Variants in SP3 observed in about 807,000 individuals in gnomAD.
SP3 encodes the protein transcription factor Sp3.
Under a neutral mutation model 70.3 loss-of-function variants are expected in SP3, and 10 were observed. The observed-to-expected ratio is 0.14, with a 90% confidence interval of 0.09 to 0.24. SP3 has a LOEUF of 0.24. SP3 is among the 10% of genes least tolerant of loss of function. The probability of loss-of-function intolerance (pLI) is 1.00; values close to 1 mark genes in which losing one functional copy is unlikely to be tolerated. For missense variants in SP3, 825 were observed against 914.6 expected (o/e 0.90, Z 1.26); for synonymous variants, 402 against 333.5 (o/e 1.21, Z -2.24).
chr2:173,937,179 C>G (rs1220422414), intron 4 of SP3, among the ~76,000 whole-genome samples: 1 of 152,192 alleles, frequency 6.6e-6, no homozygotes, highest in Non-Finnish European at 1.5e-5. Flanking sequence ...CTCTCAAGTT[C>G]TTGAGCCTTT....
Position 173,939,798 on chromosome 2 carries a change from G to T in SP3, c.1639+15075C>A, listed in dbSNP as rs1436285346. The stretch of plus-strand genomic sequence containing the variant: ...AAAAAAAAAAGTTACACTGATTTTG[G>T]GGGAGGAATTAAAAAGATTAAAAAT... On this transcript the variant is annotated intron_variant, in intron 4 of 6. Coordinates refer to ENST00000310015, the MANE Select transcript of SP3 (RefSeq NM_003111.5). Among the ~76,000 whole-genome samples, 7 of 137,840 alleles carry T rather than the reference G, an allele frequency of 5.1e-5. No homozygotes were observed. In the South Asian group the frequency reaches 1.7e-3, roughly 33 times the overall value. The allele number at this position is 137,840 out of a possible 152,430, so 90.4% of individuals were successfully genotyped here.
intron 3 of SP3, among the ~76,000 whole-genome samples, chr2:173,957,402 A>G (rs1690930763): frequency 6.6e-6 from 1 of 152,190 alleles, no homozygotes; most frequent in South Asian, 2.1e-4. Context: ...GATTGAAAAA[A>G]AAGATTTCAT....
chr2:173,905,255 A>T lies in SP3; in HGVS notation c.*4686T>A, dbSNP rs1269316477. Among the ~76,000 whole-genome samples, 1 of 152,204 alleles carries T rather than the reference A, an allele frequency of 6.6e-6. No individual in the cohort carries two copies. Among genetic ancestry groups the T allele is most frequent in the African/African-American group, 2.4e-5 (1 of 41,448 alleles). ...CACTACAGAAAAATGGAATCTCCAG[A>T]GTTAAGGGGGGAGGAAGGCATTGGA... On this transcript the variant is annotated 3_prime_UTR_variant, in exon 7 of 7. Transcript: ENST00000310015.
At chr2:173,921,908 TTC>T (rs775045317) in intron 4 of SP3, among the ~76,000 whole-genome samples, 2 of 152,158 alleles carry the variant, frequency 1.3e-5, no homozygotes, top group East Asian at 3.8e-4. Context: ...CTCCTACTCT[TTC>T]TCTGTCTCTC....
intron 4 of SP3, among the ~76,000 whole-genome samples, chr2:173,946,179 G>GTA (rs1200813129): frequency 6.6e-6 from 1 of 152,014 alleles, no homozygotes; most frequent in African/African-American, 2.4e-5. Context: ...ACTTTAAATG[G>GTA]TAGAAATAAA....
intron 4 of SP3, among the ~76,000 whole-genome samples, chr2:173,931,752 A>C (rs770750533): frequency 5.3e-5 from 8 of 152,182 alleles, no homozygotes; most frequent in Non-Finnish European, 1.0e-4. Context: ...TTATGGAAAC[A>C]GTTTCTTTCC....
rs61545641 is a variant in SP3, at chr2:173,901,193, AAGAT to A, written c.*8744_*8747del. 0.51 allele frequency among the ~76,000 whole-genome samples: 77,586 copies of A among 151,554 alleles called. 20,214 individuals are homozygous for A. The highest frequency in any genetic ancestry group is 0.66 in the East Asian group (3,369 of 5,126). On this transcript the variant is annotated 3_prime_UTR_variant, in exon 7 of 7. Transcript: ENST00000310015. ...AAAAGTAATTTCAAAGTGAATTAACAAGATAAATAGAAAGGCAAAATCATAAAAT... is the reference window on the plus strand; with the variant it reads ...AAAAGTAATTTCAAAGTGAATTAACAAAATAGAAAGGCAAAATCATAAAAT...
At chr2:173,942,060 G>T (rs1232970080) in intron 4 of SP3, among the ~76,000 whole-genome samples, 1 of 152,208 alleles carries the variant, frequency 6.6e-6, no homozygotes, top group Non-Finnish European at 1.5e-5. Context: ...CTCAGAATAT[G>T]ATTTCCCAAG....
At chr2:173,933,077 G>A (rs1426374165) in intron 4 of SP3, among the ~76,000 whole-genome samples, 7 of 152,132 alleles carry the variant, frequency 4.6e-5, no homozygotes, top group Non-Finnish European at 5.9e-5. Flanking sequence ...AAGTGATCAC[G>A]TTCTGATGGA....
chr2:173,906,179 C>T lies in SP3; in HGVS notation c.*3762G>A, dbSNP rs1689315590. Reference sequence around the variant, plus strand: ...GTCCCCCATCACCCAACATACCACACTGTACCTTTGCAAACGCCATTTCTG... The same window carrying T: ...GTCCCCCATCACCCAACATACCACATTGTACCTTTGCAAACGCCATTTCTG... On this transcript the variant is annotated 3_prime_UTR_variant, in exon 7 of 7. Transcript: ENST00000310015. 6.6e-6 allele frequency among the ~76,000 whole-genome samples: 1 copy of T among 152,192 alleles called. No individual in the cohort carries two copies. Among genetic ancestry groups the T allele is most frequent in the African/African-American group, 2.4e-5 (1 of 41,436 alleles).
chr2:173,960,823 A>T (rs1691047816), intron 3 of SP3, among the ~76,000 whole-genome samples: 1 of 151,862 alleles, frequency 6.6e-6, no homozygotes, highest in Non-Finnish European at 1.5e-5. Flanking sequence ...ACAAAAAAAA[A>T]AAATTAGCCG....
chr2:173,951,153 T>G (rs1690700634), intron 4 of SP3, among the ~76,000 whole-genome samples: 1 of 152,170 alleles, frequency 6.6e-6, no homozygotes, highest in South Asian at 2.1e-4. Flanking sequence ...TCCACAAAAA[T>G]CAAAGTTTCT....
At chr2:173,919,967 T>C (rs1367125650) in intron 4 of SP3, among the ~76,000 whole-genome samples, 2 of 152,162 alleles carry the variant, frequency 1.3e-5, no homozygotes, top group East Asian at 3.8e-4. Context: ...CCCCTAGTAT[T>C]GGAATGGAAA....
chr2:173,913,145 C>T lies in SP3; in HGVS notation c.1954G>A (p.Val652Ile). ...LRWHSGERPFVCNWMYCGKRF... is the reference protein window; with the variant it reads ...LRWHSGERPFICNWMYCGKRF... ...TTACCACAGTACATCCAGTTACAAACAAAAGGGCGTTCTCCAGAATGCCAA... is the reference window on the plus strand; with the variant it reads ...TTACCACAGTACATCCAGTTACAAATAAAAGGGCGTTCTCCAGAATGCCAA... The change falls in exon 6 of 7, where the codon GTT becomes ATT. Residue 652 changes from valine to isoleucine, a missense_variant. Coordinates refer to ENST00000310015, the MANE Select transcript of SP3 (RefSeq NM_003111.5). The T allele has an allele frequency of 6.2e-7, 1 of 1,613,512 alleles. No homozygotes were observed. Among genetic ancestry groups the T allele is most frequent in the Non-Finnish European group, 8.5e-7 (1 of 1,179,654 alleles).
intron 4 of SP3, among the ~76,000 whole-genome samples, chr2:173,934,444 A>T (rs149277863): frequency 6.6e-6 from 1 of 152,186 alleles, no homozygotes; most frequent in Non-Finnish European, 1.5e-5. Flanking sequence ...TGAAAAAACC[A>T]ATTTATTTAT....
intron 4 of SP3, among the ~76,000 whole-genome samples, chr2:173,933,858 A>G (rs1690141857): frequency 1.3e-5 from 2 of 151,972 alleles, no homozygotes; most frequent in African/African-American, 2.4e-5. Flanking sequence ...CAGTAAATCT[A>G]AGACAAATAA....
chr2:173,921,417 G>A (rs1024931451), intron 4 of SP3, among the ~76,000 whole-genome samples: 2 of 152,162 alleles, frequency 1.3e-5, no homozygotes, highest in Admixed American at 6.5e-5. Flanking sequence ...GACTGGGCAG[G>A]GTGGCTCATG....
At chr2:173,953,041 G>A (rs1384022770) in intron 4 of SP3, among the ~76,000 whole-genome samples, 1 of 152,238 alleles carries the variant, frequency 6.6e-6, no homozygotes, top group Non-Finnish European at 1.5e-5. Flanking sequence ...TTTACGGTAT[G>A]TGAGTTATAT....
At chr2:173,941,218 C>G (rs1394293585) in intron 4 of SP3, among the ~76,000 whole-genome samples, 2 of 151,864 alleles carry the variant, frequency 1.3e-5, no homozygotes, top group East Asian at 1.9e-4. Flanking sequence ...CTCCCCAGCA[C>G]TCTTAATGAA....
Sources: allele counts gnomAD v4.1 joint callset (sites outside exome capture counted in the v4.1 genomes callset), GRCh38; gene constraint gnomAD v4.1.1; transcripts MANE v1.5; gene names NCBI Gene and HGNC (gene_info 2026-07-23, HGNC 2026-07-21).